Variants in EZH2 observed in about 807,000 individuals in gnomAD.
EZH2 encodes the protein histone-lysine N-methyltransferase EZH2.
In EZH2, 18 loss-of-function variants were observed where a neutral mutation model predicts 98.4. The ratio of observed to expected loss-of-function variants is 0.18; its 90% CI spans 0.13 to 0.27. EZH2 has a LOEUF of 0.27. Ranked by LOEUF, EZH2 falls within the 10% of genes least tolerant of loss-of-function variation. EZH2 has a pLI of 1.00. For synonymous variants in EZH2, 338 were observed against 312.3 expected (o/e 1.08, Z -0.87); for missense variants, 470 against 935.1 (o/e 0.50, Z 6.49).
At chr7:148,855,232 T>C (rs1029117122) in intron 1 of EZH2, among the ~76,000 whole-genome samples, 1 of 152,258 alleles carries the variant, frequency 6.6e-6, no homozygotes. Context: ...CTGTCATGAT[T>C]AATAATGCCT....
At chr7:148,853,337 G>A (rs899289166) in intron 1 of EZH2, among the ~76,000 whole-genome samples, 2 of 152,160 alleles carry the variant, frequency 1.3e-5, no homozygotes, top group African/African-American at 4.8e-5. Context: ...ACTTGAACCT[G>A]GGAGGCAGAG....
intron 1 of EZH2, among the ~76,000 whole-genome samples, chr7:148,876,717 C>T (rs1329585618): frequency 6.6e-6 from 1 of 152,186 alleles, no homozygotes; most frequent in African/African-American, 2.4e-5. Flanking sequence ...AGCTGGATGG[C>T]TTAGAGCAAG....
chr7:148,810,310 T>C (rs771307850), intron 17 of EZH2, 23 bp downstream of exon 17: 12 of 1,576,266 alleles, frequency 7.6e-6, no homozygotes, highest in Middle Eastern at 3.3e-4. Flanking sequence ...AGGAACTCAC[T>C]GCCTCCCAGC....
chr7:148,855,877 G>A lies in EZH2; in HGVS notation c.-7-8572C>T, dbSNP rs981854186. 1.9e-3 allele frequency among the ~76,000 whole-genome samples: 220 copies of A among 116,464 alleles called. 1 individual carries two copies. Among genetic ancestry groups the A allele is most frequent in the African/African-American group, 6.0e-3 (180 of 30,234 alleles). 76.4% of individuals were successfully genotyped at this position (116,464 alleles called of 152,430 possible). A position where few individuals can be genotyped will look rare whatever the true frequency, so the allele number is the denominator to read the frequency against. On this transcript the variant is annotated intron_variant, in intron 1 of 19. Transcript: ENST00000320356. ...CACGTCACTGCACTCCAGCCTAGGC[G>A]ACAGAGCAAGACTCCATCTCAAAAA...
At chr7:148,842,899 C>G (rs1039018478) in intron 3 of EZH2, among the ~76,000 whole-genome samples, 22 of 152,018 alleles carry the variant, frequency 1.4e-4, no homozygotes, top group African/African-American at 4.8e-4. Context: ...GACCCTGTCT[C>G]TACAAAATAA....
rs141841826 is a variant in EZH2, at chr7:148,858,814, T to C, written c.-7-11509A>G. Among the ~76,000 whole-genome samples the C allele has an allele frequency of 3.3e-4, 51 of 152,324 alleles. No individual in the cohort carries two copies. The East Asian group carries it at 7.5e-3, about 22-fold the overall frequency. ...TTAAAAGGAAAAAAAAAGATCTCCA[T>C]AGCAGCCTATATGATGACATGTCTA... On this transcript the variant is annotated intron_variant, in intron 1 of 19. Transcript: ENST00000320356.
At chr7:148,824,939 GGTAA>G (rs913335891) in intron 8 of EZH2, among the ~76,000 whole-genome samples, 62 of 151,934 alleles carry the variant, frequency 4.1e-4, no homozygotes, top group African/African-American at 1.4e-3. Flanking sequence ...GCTAGAATGA[GGTAA>G]GTAACAGGTT....
chr7:148,820,169 T>A (rs1805591761), intron 8 of EZH2, among the ~76,000 whole-genome samples: 1 of 152,168 alleles, frequency 6.6e-6, no homozygotes, highest in South Asian at 2.1e-4. Context: ...TTACTAACAT[T>A]CAATTCCTGT....
At chr7:148,815,423 C>G in intron 13 of EZH2, 83 bp downstream of exon 13, 14 of 1,403,962 alleles carry the variant, frequency 1.0e-5, no homozygotes, top group Non-Finnish European at 1.4e-5. Flanking sequence ...AACCCAAGCT[C>G]TAATCCAGTT....
At chr7:148,813,310 A>T (rs1466313048) in intron 15 of EZH2, among the ~76,000 whole-genome samples, 1 of 144,464 alleles carries the variant, frequency 6.9e-6, no homozygotes, top group Admixed American at 7.1e-5. Flanking sequence ...CTGACTGAAG[A>T]AAGAACTTAT....
chr7:148,836,252 G>A lies in EZH2; in HGVS notation c.247-3502C>T, dbSNP rs188223432. Among the ~76,000 whole-genome samples, 3 of 152,320 alleles carry A rather than the reference G, an allele frequency of 2.0e-5. No homozygotes were observed. In the East Asian group the frequency reaches 5.8e-4, roughly 29 times the overall value. ...CTTCAATTTCTGTTTCAAGCTAAGA[G>A]AGCACCTATTTAGAAAACTGATGGT... is the stretch of plus-strand genomic sequence containing the variant. On this transcript the variant is annotated intron_variant, in intron 3 of 19. Coordinates refer to ENST00000320356, the MANE Select transcript of EZH2 (RefSeq NM_004456.5).
At position 148,826,619 on chromosome 7, in the gene EZH2, T is replaced by C. The variant is rs1005840534; in HGVS notation, c.742A>G (p.Thr248Ala). The C allele has an allele frequency of 1.3e-6, 2 of 1,537,330 alleles. No individual in the cohort carries two copies. Among genetic ancestry groups the C allele is most frequent in the Non-Finnish European group, 1.8e-6 (2 of 1,139,700 alleles). ...AGTGCGCCTGGGAGCTGCTGTTCGG[T>C]GAGTTCTTTATATCTGACATTAACC... is the stretch of plus-strand genomic sequence containing the variant. The part of the protein sequence containing the change: ...EELKEKYKEL[T>A]EQQLPGALPP... The change falls in exon 8 of 20, where the codon ACC (threonine) becomes GCC (alanine). Residue 248 changes from threonine (T) to alanine (A), a missense_variant. Transcript: ENST00000320356.
At chr7:148,824,773 A>T (rs1348713608) in intron 8 of EZH2, among the ~76,000 whole-genome samples, 2 of 152,236 alleles carry the variant, frequency 1.3e-5, no homozygotes, top group African/African-American at 2.4e-5. Flanking sequence ...AGAACTCAAT[A>T]GGACTGAATG....
intron 3 of EZH2, among the ~76,000 whole-genome samples, chr7:148,839,052 A>AGAAGGAAGGAAGGAAG (rs1562997049): frequency 2.2e-4 from 7 of 31,126 alleles, no homozygotes; most frequent in African/African-American, 8.4e-4. Context: ...ACTCTGTCAA[A>AGAAGGAAGGAAGGAAG]TAAGGAAGGA....
intron 4 of EZH2, among the ~76,000 whole-genome samples, chr7:148,831,947 A>G (rs546290426): frequency 6.6e-6 from 1 of 152,356 alleles, no homozygotes; most frequent in Admixed American, 6.5e-5. Context: ...CACAAGCCCT[A>G]TGAATTTTAC....
chr7:148,813,916 T>C, intron 15 of EZH2, 43 bp downstream of exon 15: 1 of 1,581,196 alleles, frequency 6.3e-7, no homozygotes, highest in South Asian at 1.2e-5. Context: ...CATCACTAAA[T>C]AGCTAACTAC....
At chr7:148,826,158 C>T (rs1024425528) in intron 8 of EZH2, among the ~76,000 whole-genome samples, 1 of 151,010 alleles carries the variant, frequency 6.6e-6, no homozygotes, top group Non-Finnish European at 1.5e-5. Flanking sequence ...GCTACCAGTT[C>T]ATAATAATAG....
intron 3 of EZH2, among the ~76,000 whole-genome samples, chr7:148,841,091 GA>G (rs753865813): frequency 3.3e-5 from 5 of 151,840 alleles, no homozygotes; most frequent in Non-Finnish European, 5.9e-5. Context: ...CTTTTAAACT[GA>G]AGATATATAA....
intron 1 of EZH2, among the ~76,000 whole-genome samples, chr7:148,871,247 C>T (rs1039323559): frequency 2.0e-5 from 3 of 151,888 alleles, no homozygotes; most frequent in African/African-American, 7.3e-5. Context: ...GTGGGTAGGA[C>T]TGTAAAAATC....
Sources: gnomAD v4.1 joint callset for allele counts (sites outside exome capture counted in the v4.1 genomes callset) on GRCh38, gnomAD v4.1.1 for gene constraint, MANE v1.5 for transcripts, NCBI Gene and HGNC (gene_info 2026-07-23, HGNC 2026-07-21) for gene names.